Variants in CALB2 observed in about 807,000 individuals in gnomAD.
CALB2 encodes the protein calretinin.
Under a neutral mutation model 45.9 loss-of-function variants are expected in CALB2, and 34 were observed. That is an observed-to-expected ratio of 0.74 (90% CI 0.56 to 0.99). CALB2 has a LOEUF of 0.99. CALB2 is among the 50% of genes least tolerant of loss of function. CALB2 has a pLI of 0.00. For synonymous variants in CALB2, 142 were observed against 129.6 expected, an observed-to-expected ratio of 1.10 and a Z score of -0.65; for missense variants, 344 against 339.3, an observed-to-expected ratio of 1.01 and a Z score of -0.11.
chr16:71,368,336 C>G (rs1429286631), intron 1 of CALB2, among the ~76,000 whole-genome samples: 1 of 152,052 alleles, frequency 6.6e-6, no homozygotes, highest in Non-Finnish European at 1.5e-5. Context: ...ATGGCAAAAC[C>G]CTGTCTCTAC....
chr16:71,390,028 G>T lies in CALB2; in HGVS notation c.*163G>T. The stretch of plus-strand genomic sequence containing the variant: ...TGAGAGATAGAGGATGGGCAGCTGG[G>T]GGGCTGTCCTGAGCCCCCTGCACCC... On this transcript the variant is annotated 3_prime_UTR_variant, in exon 11 of 11. Coordinates refer to ENST00000302628, the MANE Select transcript of CALB2 (RefSeq NM_001740.5). The T allele has an allele frequency of 1.7e-6, 1 of 605,406 alleles. No homozygotes were observed. Among genetic ancestry groups the T allele is most frequent in the Non-Finnish European group, 3.0e-6 (1 of 338,660 alleles). The allele number at this position is 605,406 out of a possible 1,614,324, so 37.5% of individuals were successfully genotyped here.
At position 71,387,474 on chromosome 16, in the gene CALB2, T is replaced by G. The variant is rs548680931; in HGVS notation, c.699+1826T>G. ...GAACGGAAGGGCCTTTTTTTTTTTT[T>G]GTAAACCCACATAGATGCACGCATT... is the stretch of plus-strand genomic sequence containing the variant. On this transcript the variant is annotated intron_variant, in intron 10 of 10. Transcript: ENST00000302628. 1.6e-4 allele frequency among the ~76,000 whole-genome samples: 24 copies of G among 152,128 alleles called. No individual in the cohort carries two copies. The East Asian group carries it at 2.1e-3, about 13-fold the overall frequency.
rs769075011 is a variant in CALB2, at chr16:71,385,579, T to TAGAAGC, written c.631_636dup (p.Arg211_Ser212dup). On this transcript the variant is annotated inframe_insertion, in exon 10 of 11. Transcript: ENST00000302628. Reference sequence around the variant, plus strand: ...GTTGACTCTGCTCCCATCCCCAGGATAGAAGCGGCTACATTGACGAGCATG... The same window carrying TAGAAGC: ...GTTGACTCTGCTCCCATCCCCAGGATAGAAGCAGAAGCGGCTACATTGACGAGCATG... The TAGAAGC allele has an allele frequency of 6.2e-7, 1 of 1,614,068 alleles. No individual in the cohort carries two copies. Among genetic ancestry groups the TAGAAGC allele is most frequent in the South Asian group, 1.1e-5 (1 of 91,086 alleles).
chr16:71,378,954 A>G (rs1470452473), intron 4 of CALB2, among the ~76,000 whole-genome samples: 9 of 152,200 alleles, frequency 5.9e-5, no homozygotes, highest in Non-Finnish European at 1.0e-4. Context: ...ATCTTTGACT[A>G]TGATAAGGTT....
intron 4 of CALB2, among the ~76,000 whole-genome samples, chr16:71,378,885 C>G (rs933505949): frequency 1.3e-5 from 2 of 152,168 alleles, no homozygotes; most frequent in Non-Finnish European, 2.9e-5. Context: ...GACTTATGTA[C>G]GATTCTATAG....
At position 71,361,340 on chromosome 16, in the gene CALB2, G is replaced by A. The variant is rs146937486; in HGVS notation, c.94+2454G>A. Among the ~76,000 whole-genome samples the A allele has an allele frequency of 4.6e-3, 695 of 152,292 alleles. 5 individuals are homozygous for A. Among genetic ancestry groups the A allele is most frequent in the African/African-American group, 0.016 (671 of 41,552 alleles). Reference sequence around the variant, plus strand: ...AATTCCACAAAAGGATCCAGAATTAGGCTTTGGGCGACCTTCCTCCCCTCC... The same window carrying A: ...AATTCCACAAAAGGATCCAGAATTAAGCTTTGGGCGACCTTCCTCCCCTCC... On this transcript the variant is annotated intron_variant, in intron 1 of 10. Transcript: ENST00000302628.
rs1161936169 is a variant in CALB2 at position 71,389,675 on chromosome 16, T to C, written c.700-74T>C. ...AGAAAGGTGTGGGTGTTTGTGTTTG[T>C]GAATGTGGACGTGGGCTCCTTGCGT... On this transcript the variant is annotated intron_variant, in intron 10 of 10. Transcript: ENST00000302628. 5 of 1,001,968 alleles carry C rather than the reference T, an allele frequency of 5.0e-6. No homozygotes were observed. The East Asian group carries it at 1.2e-4, about 24-fold the overall frequency. The allele number at this position is 1,001,968 out of a possible 1,614,324, so 62.1% of individuals were successfully genotyped here.
intron 1 of CALB2, among the ~76,000 whole-genome samples, chr16:71,359,477 G>A (rs1014184674): frequency 4.6e-5 from 7 of 152,160 alleles, no homozygotes; most frequent in Non-Finnish European, 8.8e-5. Context: ...AGCAGCAGTG[G>A]GTGTGGTGGC....
intron 1 of CALB2, among the ~76,000 whole-genome samples, chr16:71,361,190 C>T (rs772814625): frequency 2.0e-5 from 3 of 152,184 alleles, no homozygotes; most frequent in Non-Finnish European, 4.4e-5. Context: ...GCCATCTCTA[C>T]ATCACAGCCT....
intron 10 of CALB2, among the ~76,000 whole-genome samples, chr16:71,388,334 C>CAAAAAAAAAAAA (rs71153632): frequency 1.9e-5 from 2 of 103,368 alleles, no homozygotes; most frequent in Non-Finnish European, 3.6e-5. Flanking sequence ...GACCTTATCT[C>CAAAAAAAAAAAA]AAAAAAAAAA....
At chr16:71,384,580 C>T (rs945272087) in intron 8 of CALB2, among the ~76,000 whole-genome samples, 1 of 130,704 alleles carries the variant, frequency 7.7e-6, no homozygotes, top group Non-Finnish European at 1.6e-5. Flanking sequence ...ACACAACACA[C>T]GCAGACCACA....
At chr16:71,369,096 A>G (rs547714433) in intron 1 of CALB2, among the ~76,000 whole-genome samples, 2 of 152,212 alleles carry the variant, frequency 1.3e-5, no homozygotes, top group Admixed American at 1.3e-4. Flanking sequence ...AATCTTTCCA[A>G]CCTGAAGAAA....
chr16:71,362,354 AAAGAT>A (rs1234126354), intron 1 of CALB2, among the ~76,000 whole-genome samples: 14 of 152,246 alleles, frequency 9.2e-5, no homozygotes, highest in Admixed American at 5.2e-4. Context: ...CTAAGAATGT[AAAGAT>A]AAGATGAGTT....
rs2042435592 is a variant in CALB2, at chr16:71,377,798, C to T, written c.342+51C>T. The T allele has an allele frequency of 2.2e-6, 3 of 1,383,880 alleles. No individual in the cohort carries two copies. In the East Asian group the frequency reaches 6.8e-5, roughly 32 times the overall value. The allele number at this position is 1,383,880 out of a possible 1,614,324, so 85.7% of individuals were successfully genotyped here. A position where few individuals can be genotyped will look rare whatever the true frequency, so the allele number is the denominator to read the frequency against. ...CTAAGCACTGGGACCTGCCTTCCTC[C>T]TGTGTTCAGAGCCAGGCCCACCCTC... On this transcript the variant is annotated intron_variant, in intron 4 of 10. Transcript: ENST00000302628.
chr16:71,367,012 G>A (rs2042294951), intron 1 of CALB2, among the ~76,000 whole-genome samples: 1 of 152,066 alleles, frequency 6.6e-6, no homozygotes, highest in Non-Finnish European at 1.5e-5. Flanking sequence ...GAATGTACAA[G>A]GCTCAGGGAG....
At chr16:71,369,872 G>T (rs770185656) in intron 1 of CALB2, among the ~76,000 whole-genome samples, 6 of 152,196 alleles carry the variant, frequency 3.9e-5, no homozygotes, top group Non-Finnish European at 8.8e-5. Context: ...ACCAGGAAGA[G>T]AAAAATTACT....
At chr16:71,368,046 C>T (rs1351569240) in intron 1 of CALB2, among the ~76,000 whole-genome samples, 1 of 152,198 alleles carries the variant, frequency 6.6e-6, no homozygotes, top group Non-Finnish European at 1.5e-5. Flanking sequence ...TCGATCTCTA[C>T]TCTATGACAC....
chr16:71,381,594 G>A (rs1209414659), intron 4 of CALB2, among the ~76,000 whole-genome samples: 2 of 152,120 alleles, frequency 1.3e-5, no homozygotes, highest in East Asian at 3.8e-4. Context: ...GGGGGAGGCA[G>A]GGGATAAGAT....
intron 4 of CALB2, 83 bp downstream of exon 4, chr16:71,377,830 G>A (rs1173826512): frequency 1.0e-6 from 1 of 963,280 alleles, no homozygotes; most frequent in East Asian, 2.4e-5. Flanking sequence ...CCTCCTGCCT[G>A]GTAATGGTCC....
Sources: allele counts gnomAD v4.1 joint callset (sites outside exome capture counted in the v4.1 genomes callset), GRCh38; gene constraint gnomAD v4.1.1; transcripts MANE v1.5; gene names NCBI Gene and HGNC (gene_info 2026-07-23, HGNC 2026-07-21).